LDB2: variants seen among roughly 807,000 people sequenced by gnomAD.
LDB2 encodes LIM domain-binding protein 2.
A neutral mutation model predicts 44.3 loss-of-function variants in LDB2; 12 were observed. The observed-to-expected ratio is 0.27, with a 90% CI of 0.17 to 0.44. LDB2 has a LOEUF of 0.44. Ranked by LOEUF, LDB2 falls within the 20% of genes least tolerant of loss-of-function variation. The probability of loss-of-function intolerance (pLI) is 1.00; values close to 1 mark genes in which losing one functional copy is unlikely to be tolerated. For missense variants in LDB2, 344 were observed against 473.5 expected (o/e 0.73, Z 2.54); for synonymous variants, 164 against 174.8 (o/e 0.94, Z 0.49).
intron 1 of LDB2, among the ~76,000 whole-genome samples, chr4:16,791,354 A>G (rs1280807537): frequency 6.6e-6 from 1 of 152,046 alleles, no homozygotes; most frequent in Admixed American, 6.5e-5. Flanking sequence ...CAGGAGTTCG[A>G]GACCAGCCTG....
chr4:16,872,117 C>T (rs565469657), intron 1 of LDB2, among the ~76,000 whole-genome samples: 64 of 151,800 alleles, frequency 4.2e-4, no homozygotes, highest in African/African-American at 1.5e-3. Context: ...TTATAATAAG[C>T]GTATGTATGT....
intron 5 of LDB2, among the ~76,000 whole-genome samples, chr4:16,572,784 C>T (rs933367579): frequency 6.6e-6 from 1 of 152,140 alleles, no homozygotes; most frequent in Admixed American, 6.5e-5. Context: ...AAGTGCCCTT[C>T]GGGTGTTCCA....
chr4:16,691,596 C>T (rs1163317679), intron 2 of LDB2, among the ~76,000 whole-genome samples: 1 of 152,174 alleles, frequency 6.6e-6, no homozygotes, highest in Non-Finnish European at 1.5e-5. Flanking sequence ...CATGGAGGAA[C>T]AGTTCAGTAT....
At chr4:16,777,457 T>G (rs1032611462) in intron 1 of LDB2, among the ~76,000 whole-genome samples, 2 of 152,062 alleles carry the variant, frequency 1.3e-5, no homozygotes, top group African/African-American at 2.4e-5. Flanking sequence ...ATCCAGGCAT[T>G]GGAAGCTGGC....
chr4:16,716,525 C>T (rs1175712508), intron 2 of LDB2, among the ~76,000 whole-genome samples: 1 of 152,084 alleles, frequency 6.6e-6, no homozygotes, highest in Non-Finnish European at 1.5e-5. Flanking sequence ...TATATGAGGC[C>T]TTAGGGAATA....
chr4:16,671,956 G>GC (rs1199495483), intron 2 of LDB2, among the ~76,000 whole-genome samples: 1 of 152,170 alleles, frequency 6.6e-6, no homozygotes, highest in Non-Finnish European at 1.5e-5. Context: ...GAAAAATGCT[G>GC]CCTGGAGTCC....
chr4:16,783,503 C>T (rs1373700654), intron 1 of LDB2, among the ~76,000 whole-genome samples: 1 of 152,248 alleles, frequency 6.6e-6, no homozygotes, highest in Non-Finnish European at 1.5e-5. Flanking sequence ...CTGGCTCTTG[C>T]TTTGTTTAAA....
chr4:16,624,049 T>C (rs1181092461), intron 2 of LDB2, among the ~76,000 whole-genome samples: 3 of 152,200 alleles, frequency 2.0e-5, no homozygotes, highest in African/African-American at 7.2e-5. Flanking sequence ...AAGGTACCAG[T>C]ACCATTATTG....
At chr4:16,579,413 T>C (rs1713347246) in intron 5 of LDB2, among the ~76,000 whole-genome samples, 1 of 152,144 alleles carries the variant, frequency 6.6e-6, no homozygotes, top group African/African-American at 2.4e-5. Context: ...TAATCATTCA[T>C]TAAAAAATCT....
At chr4:16,744,143 T>C (rs1372860611) in intron 2 of LDB2, among the ~76,000 whole-genome samples, 1 of 147,416 alleles carries the variant, frequency 6.8e-6, no homozygotes, top group Non-Finnish European at 1.5e-5. Context: ...AATAGACTCA[T>C]GTGGTTTGTT....
At chr4:16,611,891 C>G (rs1395473175) in intron 2 of LDB2, among the ~76,000 whole-genome samples, 1 of 152,126 alleles carries the variant, frequency 6.6e-6, no homozygotes. Flanking sequence ...AACTCTCTAC[C>G]CTAAATCAAT....
chr4:16,563,678 T>C (rs1278134180), intron 5 of LDB2, among the ~76,000 whole-genome samples: 1 of 151,502 alleles, frequency 6.6e-6, no homozygotes, highest in African/African-American at 2.4e-5. Flanking sequence ...CGGGATGGTC[T>C]TGATCTCCTG....
At chr4:16,677,452 G>A (rs1001181301) in intron 2 of LDB2, among the ~76,000 whole-genome samples, 4 of 152,174 alleles carry the variant, frequency 2.6e-5, no homozygotes, top group African/African-American at 9.7e-5. Context: ...GGATTGGGCG[G>A]GAAAGGTGAC....
At chr4:16,543,830 T>C (rs1028719810) in intron 5 of LDB2, among the ~76,000 whole-genome samples, 2 of 152,132 alleles carry the variant, frequency 1.3e-5, no homozygotes, top group African/African-American at 4.8e-5. Context: ...ACAGGCAACC[T>C]ACAGAATGGG....
chr4:16,662,852 G>A (rs893481313), intron 2 of LDB2, among the ~76,000 whole-genome samples: 12 of 151,870 alleles, frequency 7.9e-5, no homozygotes, highest in East Asian at 1.9e-4. Context: ...ACAAATTACC[G>A]TCTCGGGGGC....
chr4:16,639,047 T>C (rs1476198793), intron 2 of LDB2, among the ~76,000 whole-genome samples: 2 of 152,238 alleles, frequency 1.3e-5, no homozygotes, highest in African/African-American at 4.8e-5. Context: ...GGCTTGGATC[T>C]TTCAACTTTT....
rs548273299 is a variant in LDB2 at position 16,634,207 on chromosome 4, A to C, written c.236-38332T>G. ...CCATTCAGGACATAGGCATGGGCAA[A>C]GACTTCATGTCTAAAACACCAAAAG... On this transcript the variant is annotated intron_variant, in intron 2 of 7. Transcript: ENST00000304523. Among the ~76,000 whole-genome samples, 26 of 152,054 alleles carry C rather than the reference A, an allele frequency of 1.7e-4. No individual in the cohort carries two copies. In the South Asian group the frequency reaches 4.2e-3, roughly 24 times the overall value.
At chr4:16,555,235 T>G (rs1025011418) in intron 5 of LDB2, among the ~76,000 whole-genome samples, 2 of 152,110 alleles carry the variant, frequency 1.3e-5, no homozygotes, top group African/African-American at 4.8e-5. Flanking sequence ...GCTCCCCAAG[T>G]GATTCTGATA....
At chr4:16,856,522 G>T (rs1789389391) in intron 1 of LDB2, among the ~76,000 whole-genome samples, 1 of 152,062 alleles carries the variant, frequency 6.6e-6, no homozygotes, top group Non-Finnish European at 1.5e-5. Flanking sequence ...GATTTTGCAG[G>T]TCAAAGTTTT....
Sources: gnomAD v4.1 joint callset for allele counts (sites outside exome capture counted in the v4.1 genomes callset) on GRCh38, gnomAD v4.1.1 for gene constraint, MANE v1.5 for transcripts, NCBI Gene and HGNC (gene_info 2026-07-23, HGNC 2026-07-21) for gene names.